The following SPANXN1 variants were observed in gnomAD, a reference collection of about 807,000 sequenced individuals.
The protein encoded by SPANXN1 is SPANX family member N1, also known as sperm protein associated with the nucleus on the X chromosome N1.
In SPANXN1, 1 loss-of-function variant was observed where a neutral mutation model predicts 2.0. The observed-to-expected ratio is 0.50, with a 90% confidence interval of 0.18 to 2.36. SPANXN1 has a LOEUF of 2.36. SPANXN1 is among the 30% of genes most tolerant of loss of function. The pLI, the probability that SPANXN1 is intolerant of heterozygous loss-of-function variation, is 0.26. For missense variants in SPANXN1, 55 were observed against 51.8 expected (o/e 1.06, Z -0.19); for synonymous variants, 27 against 21.3 (o/e 1.27, Z -0.74).
At chrX:145,255,445 G>A (rs782354354) in intron 1 of SPANXN1, among the ~76,000 whole-genome samples, 17 of 111,223 alleles carry the variant, frequency 1.5e-4, no homozygotes, top group Admixed American at 7.6e-4. Context: ...TCTGCAAAAT[G>A]GCAAAGAACT....
In SPANXN1 at chrX:145,247,580, C is replaced by T; in HGVS notation, c.-7C>T. ...CTACTATAGACATTCTACAACCAAC[C>T]AGAATCATGGAACAGCCCACTTCAA... On this transcript the variant is annotated 5_prime_UTR_variant, in exon 1 of 2. Coordinates refer to ENST00000370493, the MANE Select transcript of SPANXN1 (RefSeq NM_001009614.3). 8.3e-7 allele frequency: 1 copy of T among 1,209,139 alleles called. No individual in the cohort carries two copies. Among genetic ancestry groups the T allele is most frequent in the Non-Finnish European group, 1.1e-6 (1 of 893,404 alleles).
intron 1 of SPANXN1, among the ~76,000 whole-genome samples, chrX:145,251,041 C>T (rs59935725): frequency 0.071 from 7,964 of 111,815 alleles, 712 homozygotes; most frequent in African/African-American, 0.25. Context: ...TGTTGAGAGG[C>T]AGCATGGGGT....
At chrX:145,253,489 G>T (rs1241294751) in intron 1 of SPANXN1, among the ~76,000 whole-genome samples, 40 of 110,718 alleles carry the variant, frequency 3.6e-4, no homozygotes, top group African/African-American at 1.2e-3. Context: ...GTAAATGGAG[G>T]TCGATTTTGC....
chrX:145,255,536 T>TG (rs2070805680), intron 1 of SPANXN1, 135 bp from the exon 2 acceptor site: 1 of 961,591 alleles, frequency 1.0e-6, no homozygotes. Flanking sequence ...TACCCTATGA[T>TG]TCAACCTTGT....
intron 1 of SPANXN1, among the ~76,000 whole-genome samples, chrX:145,252,060 T>C (rs2070788169): frequency 9.0e-6 from 1 of 111,312 alleles, no homozygotes; most frequent in Non-Finnish European, 1.9e-5. Context: ...AGGAAAGGGC[T>C]ACAGAGAAGG....
rs782702417 is a variant in SPANXN1, at chrX:145,253,302, C to T, written c.76-2369C>T. ...CTTGGGAACCCTGTTGAGTGGCAGC[C>T]ACCAGCATTTGGTATTTAGCCTGGT... On this transcript the variant is annotated intron_variant, in intron 1 of 1. Transcript: ENST00000370493. Among the ~76,000 whole-genome samples, 947 of 111,079 alleles carry T rather than the reference C, an allele frequency of 8.5e-3. 14 individuals carry two copies. The highest frequency in any genetic ancestry group is 0.03 in the African/African-American group (911 of 30,474).
At chrX:145,251,455 G>A (rs1283444900) in intron 1 of SPANXN1, among the ~76,000 whole-genome samples, 1 of 111,740 alleles carries the variant, frequency 8.9e-6, no homozygotes. Context: ...TCTAAGGCCA[G>A]TGATGTGGCC....
At chrX:145,250,581 T>G (rs2070781759) in intron 1 of SPANXN1, among the ~76,000 whole-genome samples, 1 of 111,344 alleles carries the variant, frequency 9.0e-6, no homozygotes, top group Non-Finnish European at 1.9e-5. Context: ...GTTCAGAAGG[T>G]TTTTTAAACT....
chrX:145,251,190 G>C (rs782511251), intron 1 of SPANXN1, among the ~76,000 whole-genome samples: 1 of 111,893 alleles, frequency 8.9e-6, no homozygotes, highest in Admixed American at 9.5e-5. Flanking sequence ...GTGTTGGAAG[G>C]GGGAGGAGAG....
chrX:145,249,868 G>T (rs528384359), intron 1 of SPANXN1, among the ~76,000 whole-genome samples: 2 of 111,095 alleles, frequency 1.8e-5, no homozygotes, highest in African/African-American at 6.6e-5. Flanking sequence ...TAGATGTTGG[G>T]TGAGGTGTAA....
intron 1 of SPANXN1, among the ~76,000 whole-genome samples, chrX:145,254,832 G>T (rs142372162): frequency 0.016 from 1,738 of 111,677 alleles, 25 homozygotes; most frequent in African/African-American, 0.054. Flanking sequence ...GAAAAAGGTC[G>T]AGAGTTTGAT....
At position 145,247,730 on chromosome X, in the gene SPANXN1, A is replaced by G. The variant is rs1423047085; in HGVS notation, c.75+69A>G. The stretch of plus-strand genomic sequence containing the variant: ...GACACACAGAGAAGGGACGGCTCAA[A>G]CAGCAACACAGGAATATTGCAGACA... On this transcript the variant is annotated intron_variant, in intron 1 of 1. Coordinates refer to ENST00000370493, the MANE Select transcript of SPANXN1 (RefSeq NM_001009614.3). 3 of 1,063,884 alleles carry G rather than the reference A, an allele frequency of 2.8e-6. No individual in the cohort carries two copies. The Admixed American group carries it at 6.7e-5, about 24-fold the overall frequency. The allele number at this position is 1,063,884 out of a possible 1,213,427, so 87.7% of individuals were successfully genotyped here.
chrX:145,256,049 T>A lies in SPANXN1; in HGVS notation c.*235T>A. ...TGAAGACCTAGACTTACCTGAAGGA[T>A]CTTCACAGGAGGATAAAGACGTAGA... On this transcript the variant is annotated 3_prime_UTR_variant, in exon 2 of 2. Coordinates refer to ENST00000370493, the MANE Select transcript of SPANXN1 (RefSeq NM_001009614.3). The A allele has an allele frequency of 6.9e-6, 4 of 581,450 alleles. No individual in the cohort carries two copies. The highest frequency in any genetic ancestry group is 1.1e-5 in the Non-Finnish European group (4 of 348,359). 47.9% of individuals were successfully genotyped at this position (581,450 alleles called of 1,213,427 possible).
chrX:145,247,898 T>G (rs1461812047), intron 1 of SPANXN1, among the ~76,000 whole-genome samples: 73 of 110,356 alleles, frequency 6.6e-4, no homozygotes, highest in African/African-American at 2.4e-3. Flanking sequence ...ATGATCAGGC[T>G]GTTTGGTCCT....
chrX:145,250,329 C>A (rs1200148253), intron 1 of SPANXN1, among the ~76,000 whole-genome samples: 2 of 110,985 alleles, frequency 1.8e-5, no homozygotes, highest in Non-Finnish European at 3.8e-5. Flanking sequence ...GTATAGGAAT[C>A]ACTTTCTGGG....
intron 1 of SPANXN1, among the ~76,000 whole-genome samples, chrX:145,254,938 G>A (rs782576669): frequency 8.9e-6 from 1 of 111,918 alleles, no homozygotes; most frequent in East Asian, 2.8e-4. Context: ...AGCAGGCCCC[G>A]GTCTAGTTTG....
intron 1 of SPANXN1, 111 bp from the exon 2 acceptor site, chrX:145,255,560 A>G (rs2070805897): frequency 9.2e-7 from 1 of 1,089,923 alleles, no homozygotes; most frequent in Non-Finnish European, 1.2e-6. Flanking sequence ...TCTCTGGCAC[A>G]CACCCCTTCC....
Position 145,247,787 on chromosome X carries a change from G to A in SPANXN1, c.75+126G>A. 3.5e-6 allele frequency: 3 copies of A among 847,667 alleles called. No individual in the cohort carries two copies. The South Asian group carries it at 6.8e-5, about 19-fold the overall frequency. The allele number at this position is 847,667 out of a possible 1,213,427, so 69.9% of individuals were successfully genotyped here. A position where few individuals can be genotyped will look rare whatever the true frequency, so the allele number is the denominator to read the frequency against. ...GAAGTGGGAGACCCGCTTAATGCCA[G>A]AGCCCACCGCCGCTTACAGCCTGGG... is the stretch of plus-strand genomic sequence containing the variant. On this transcript the variant is annotated intron_variant, in intron 1 of 1. Transcript: ENST00000370493.
intron 1 of SPANXN1, among the ~76,000 whole-genome samples, chrX:145,249,056 G>T (rs1556882174): frequency 9.0e-6 from 1 of 111,077 alleles, no homozygotes; most frequent in African/African-American, 3.3e-5. Flanking sequence ...GGATTTAATG[G>T]ATTGGGGGGA....
Sources: gnomAD v4.1 joint callset for allele counts (sites outside exome capture counted in the v4.1 genomes callset) on GRCh38, gnomAD v4.1.1 for gene constraint, MANE v1.5 for transcripts, NCBI Gene and HGNC (gene_info 2026-07-23, HGNC 2026-07-21) for gene names.